The following FCHO2 variants were observed in gnomAD, a reference collection of about 807,000 sequenced individuals.
The protein encoded by FCHO2 is FCH and mu domain containing endocytic adaptor 2.
Under a neutral mutation model 114.1 loss-of-function variants are expected in FCHO2, and 43 were observed. The observed-to-expected ratio is 0.38, with a 90% confidence interval of 0.30 to 0.49. FCHO2 has a LOEUF of 0.49. Ranked by LOEUF, FCHO2 falls within the 20% of genes least tolerant of loss-of-function variation. FCHO2 has a pLI of 0.97. For missense variants in FCHO2, 807 were observed against 950.4 expected (o/e 0.85, Z 1.98); for synonymous variants, 293 against 315.2 (o/e 0.93, Z 0.75).
intron 11 of FCHO2, among the ~76,000 whole-genome samples, chr5:73,048,576 G>C (rs1205876952): frequency 2.0e-5 from 3 of 152,276 alleles, no homozygotes; most frequent in Non-Finnish European, 4.4e-5. Flanking sequence ...AGTTTATTCA[G>C]CTGTGCTTGG....
intron 5 of FCHO2, among the ~76,000 whole-genome samples, chr5:73,000,257 G>T (rs1754361501): frequency 6.6e-6 from 1 of 152,118 alleles, no homozygotes; most frequent in South Asian, 2.1e-4. Flanking sequence ...TGGATTACCT[G>T]ATGTCAGCAG....
intron 17 of FCHO2, among the ~76,000 whole-genome samples, chr5:73,058,966 T>G (rs1757725038): frequency 6.6e-6 from 1 of 152,190 alleles, no homozygotes; most frequent in Non-Finnish European, 1.5e-5. Flanking sequence ...AATTTATGGC[T>G]TACAAGATGA....
intron 5 of FCHO2, among the ~76,000 whole-genome samples, chr5:72,991,096 C>T (rs1753785976): frequency 6.6e-6 from 1 of 152,140 alleles, no homozygotes; most frequent in Admixed American, 6.5e-5. Context: ...CGGAGTTTTG[C>T]TCTTGTTGCC....
intron 11 of FCHO2, among the ~76,000 whole-genome samples, chr5:73,047,838 A>T (rs1045761592): frequency 2.0e-5 from 3 of 151,554 alleles, no homozygotes; most frequent in South Asian, 4.2e-4. Context: ...TTTATTTTTT[A>T]TTTATTTATT....
chr5:72,971,809 T>A (rs570282505), intron 2 of FCHO2, among the ~76,000 whole-genome samples: 1 of 152,350 alleles, frequency 6.6e-6, no homozygotes, highest in East Asian at 1.9e-4. Context: ...GCCTAGGTTT[T>A]CTTCTAGGGT....
chr5:73,078,047 C>T, intron 21 of FCHO2, 133 bp from the exon 22 acceptor site: 1 of 570,052 alleles, frequency 1.8e-6, no homozygotes, highest in Non-Finnish European at 2.9e-6. Context: ...TTCTTCATCC[C>T]CTGATCTAAT....
rs879431232 is a variant in FCHO2 at position 72,973,840 on chromosome 5, A to C, written c.125+5251A>C. On this transcript the variant is annotated intron_variant, in intron 2 of 25. Coordinates refer to ENST00000430046, the MANE Select transcript of FCHO2 (RefSeq NM_138782.3). ...TTCCTGCTTTCTCTTGTGGGCATGT[A>C]GTGCTATAAATTTCCCTCTACACAC... 1.7e-3 allele frequency among the ~76,000 whole-genome samples: 249 copies of C among 150,270 alleles called. 2 individuals are homozygous for C. Among genetic ancestry groups the C allele is most frequent in the Middle Eastern group, 6.9e-3 (2 of 288 alleles).
intron 17 of FCHO2, 144 bp downstream of exon 17, chr5:73,058,668 T>G (rs1431787368): frequency 3.7e-5 from 15 of 401,868 alleles, no homozygotes; most frequent in Non-Finnish European, 6.5e-5. Context: ...GTGATTTTAT[T>G]CTGGTTTTGT....
At chr5:73,010,875 CAAAAAAAAAAAAAAAAAAA>C (rs57820498) in intron 6 of FCHO2, among the ~76,000 whole-genome samples, 1 of 25,736 alleles carries the variant, frequency 3.9e-5, no homozygotes, top group East Asian at 1.4e-3. Flanking sequence ...GACTCTGTCT[CAAAAAAAAAAAAAAAAAAA>C]AAAAAAAAGA....
chr5:73,046,287 G>A (rs754724255), intron 11 of FCHO2, among the ~76,000 whole-genome samples: 7 of 152,086 alleles, frequency 4.6e-5, no homozygotes, highest in Non-Finnish European at 1.0e-4. Context: ...GGTTGGTCTT[G>A]AACTCTCGGC....
In FCHO2 at chr5:73,056,118, A is replaced by G. The variant is rs1340637051; in HGVS notation, c.1253+11A>G. Reference sequence around the variant, plus strand: ...TGCTCCACCCAATGAGTAAGTTTCCATGTTTAATTTTGTTAAAAAATAGAC... The same window carrying G: ...TGCTCCACCCAATGAGTAAGTTTCCGTGTTTAATTTTGTTAAAAAATAGAC... On this transcript the variant is annotated intron_variant, in intron 16 of 25. Transcript: ENST00000430046. The G allele has an allele frequency of 2.6e-6, 4 of 1,523,414 alleles. No homozygotes were observed. The highest frequency in any genetic ancestry group is 4.6e-5 in the Admixed American group (2 of 43,676). The allele number at this position is 1,523,414 out of a possible 1,614,324, so 94.4% of individuals were successfully genotyped here. A position where few individuals can be genotyped will look rare whatever the true frequency, so the allele number is the denominator to read the frequency against.
chr5:73,017,854 G>T (rs182915040), intron 8 of FCHO2, among the ~76,000 whole-genome samples: 13 of 144,936 alleles, frequency 9.0e-5, no homozygotes, highest in Admixed American at 2.7e-4. Flanking sequence ...TGAACAAATG[G>T]ATATAGGAAT....
At chr5:73,016,206 T>C (rs1326432578) in intron 7 of FCHO2, among the ~76,000 whole-genome samples, 1 of 152,064 alleles carries the variant, frequency 6.6e-6, no homozygotes, top group East Asian at 1.9e-4. Flanking sequence ...CTCAGCAGTT[T>C]GGGAGGCCAA....
At chr5:73,010,692 T>C (rs1482701383) in intron 6 of FCHO2, among the ~76,000 whole-genome samples, 4 of 151,624 alleles carry the variant, frequency 2.6e-5, no homozygotes, top group Non-Finnish European at 5.9e-5. Flanking sequence ...GACTTGCTAA[T>C]ATGTTGAAAT....
At chr5:73,030,444 A>G (rs559222895) in intron 8 of FCHO2, among the ~76,000 whole-genome samples, 19 of 152,372 alleles carry the variant, frequency 1.2e-4, no homozygotes, top group Admixed American at 3.9e-4. Flanking sequence ...GCATCACACT[A>G]CATGAATGCT....
intron 1 of FCHO2, among the ~76,000 whole-genome samples, chr5:72,956,627 G>A (rs374245926): frequency 7.9e-5 from 12 of 152,292 alleles, no homozygotes; most frequent in African/African-American, 2.9e-4. Flanking sequence ...CAAATCCAGT[G>A]CGGGGTTGGG....
intron 11 of FCHO2, among the ~76,000 whole-genome samples, chr5:73,047,066 G>A (rs1284037566): frequency 6.6e-6 from 1 of 152,120 alleles, no homozygotes; most frequent in Non-Finnish European, 1.5e-5. Flanking sequence ...TTGAAATTTG[G>A]AAATCATTTC....
At chr5:73,058,680 C>T (rs1253339652) in intron 17 of FCHO2, among the ~76,000 whole-genome samples, 156 bp downstream of exon 17, 1 of 151,920 alleles carries the variant, frequency 6.6e-6, no homozygotes, top group Non-Finnish European at 1.5e-5. Context: ...TGGTTTTGTT[C>T]TCTTAGATAC....
chr5:72,990,530 A>G lies in FCHO2; in HGVS notation c.253A>G (p.Asn85Asp). 1 of 1,539,332 alleles carries G rather than the reference A, an allele frequency of 6.5e-7. No homozygotes were observed. Among genetic ancestry groups the G allele is most frequent in the Non-Finnish European group, 8.7e-7 (1 of 1,144,094 alleles). ...VFKTSTEKLA[N>D]CHLDLVRKLQ... is the part of the protein sequence containing the mutation. The stretch of plus-strand genomic sequence containing the variant: ...CAAAACATCTACAGAGAAATTAGCA[A>G]ATTGTCACTTGGATCTTGTTAGAAA... Residue 85 changes from asparagine (N) to aspartate (D), a missense_variant, in exon 4 of 26, where the codon AAT becomes GAT. Coordinates refer to ENST00000430046, the MANE Select transcript of FCHO2 (RefSeq NM_138782.3).
Sources: allele counts gnomAD v4.1 joint callset (sites outside exome capture counted in the v4.1 genomes callset), GRCh38; gene constraint gnomAD v4.1.1; transcripts MANE v1.5; gene names NCBI Gene and HGNC (gene_info 2026-07-23, HGNC 2026-07-21).